Variants in CSMD1 observed in about 807,000 individuals in gnomAD.
CSMD1 encodes the protein CUB and sushi domain-containing protein 1.
In CSMD1, 213 loss-of-function variants were observed where a neutral mutation model predicts 417.5. The ratio of observed to expected loss-of-function variants is 0.51; its 90% CI spans 0.46 to 0.57. The LOEUF (loss-of-function observed/expected upper bound fraction) is 0.57. CSMD1 is among the 20% of genes least tolerant of loss of function. CSMD1 has a pLI of 0.00. For missense variants in CSMD1, 6,923 were observed against 4,529.7 expected (o/e 1.53, Z -15.17); for synonymous variants, 2,862 against 1,736.8 (o/e 1.65, Z -16.11).
At chr8:4,412,179 T>C (rs1796686525) in intron 3 of CSMD1, among the ~76,000 whole-genome samples, 1 of 152,176 alleles carries the variant, frequency 6.6e-6, no homozygotes, top group African/African-American at 2.4e-5. Context: ...CGGATATCTG[T>C]CAACGTGCAA....
intron 10 of CSMD1, among the ~76,000 whole-genome samples, chr8:3,526,359 G>A (rs1797754130): frequency 6.6e-6 from 1 of 152,026 alleles, no homozygotes; most frequent in African/African-American, 2.4e-5. Context: ...TCCCTTTGGT[G>A]TGAGTTGAGA....
At chr8:4,202,234 G>A (rs866745306) in intron 3 of CSMD1, among the ~76,000 whole-genome samples, 4 of 152,092 alleles carry the variant, frequency 2.6e-5, no homozygotes, top group Middle Eastern at 3.4e-3. Context: ...GATGAATTAT[G>A]CCTTATCTTC....
intron 3 of CSMD1, among the ~76,000 whole-genome samples, chr8:4,398,877 A>G (rs1052349318): frequency 2.0e-5 from 3 of 152,202 alleles, no homozygotes; most frequent in East Asian, 1.9e-4. Flanking sequence ...AAAATAACTG[A>G]CATTCTCAAT....
At chr8:3,566,801 G>A (rs879960050) in intron 10 of CSMD1, among the ~76,000 whole-genome samples, 1 of 152,198 alleles carries the variant, frequency 6.6e-6, no homozygotes, top group South Asian at 2.1e-4. Flanking sequence ...AGGTTGTGGA[G>A]AAAAAGGAAC....
intron 21 of CSMD1, among the ~76,000 whole-genome samples, chr8:3,356,553 T>C (rs1585046186): frequency 1.3e-5 from 2 of 152,160 alleles, no homozygotes; most frequent in East Asian, 1.9e-4. Flanking sequence ...CATGTGCCTG[T>C]AGTCCCAGCA....
intron 1 of CSMD1, among the ~76,000 whole-genome samples, chr8:4,981,336 A>T (rs778017602): frequency 1.3e-5 from 2 of 152,214 alleles, no homozygotes; most frequent in Non-Finnish European, 2.9e-5. Flanking sequence ...AGGATGTATT[A>T]ACTCTCTAGA....
intron 2 of CSMD1, among the ~76,000 whole-genome samples, chr8:4,547,246 G>A (rs964815487): frequency 2.0e-5 from 3 of 152,100 alleles, no homozygotes; most frequent in Admixed American, 6.6e-5. Flanking sequence ...TCCTTCCTGC[G>A]GCTGCTGAGT....
chr8:4,676,309 G>C (rs866224700), intron 1 of CSMD1, among the ~76,000 whole-genome samples: 6 of 151,984 alleles, frequency 3.9e-5, no homozygotes, highest in South Asian at 2.1e-4. Flanking sequence ...CTCATTCCCT[G>C]CCAAACACTG....
intron 1 of CSMD1, among the ~76,000 whole-genome samples, chr8:4,765,597 T>A (rs979110371): frequency 2.0e-5 from 3 of 152,218 alleles, no homozygotes; most frequent in African/African-American, 7.2e-5. Flanking sequence ...ATCAACCTCC[T>A]GAGCAGCTGA....
Position 4,083,447 on chromosome 8 carries a change from A to C in CSMD1, c.416-51348T>G, listed in dbSNP as rs1800248302. Among the ~76,000 whole-genome samples the C allele has an allele frequency of 2.0e-5, 3 of 152,314 alleles. No individual in the cohort carries two copies. In the South Asian group the frequency reaches 6.2e-4, roughly 32 times the overall value. On this transcript the variant is annotated intron_variant, in intron 3 of 69. Coordinates refer to ENST00000635120, the MANE Select transcript of CSMD1 (RefSeq NM_033225.6). ...GCCACCTGACTTCAAACTATACTAC[A>C]AGGCTACAGTAACCAAAACAGCATG...
At chr8:3,951,120 G>A (rs1027661057) in intron 5 of CSMD1, among the ~76,000 whole-genome samples, 1 of 152,146 alleles carries the variant, frequency 6.6e-6, no homozygotes, top group Admixed American at 6.5e-5. Context: ...TACATTTATA[G>A]GCAGGAGATG....
chr8:3,222,003 C>T (rs953997929), intron 28 of CSMD1, among the ~76,000 whole-genome samples: 2 of 152,156 alleles, frequency 1.3e-5, no homozygotes, highest in African/African-American at 4.8e-5. Context: ...ACATCCTCAT[C>T]CCCTAACAGG....
chr8:4,509,914 C>T (rs768483097), intron 2 of CSMD1, among the ~76,000 whole-genome samples: 1 of 152,096 alleles, frequency 6.6e-6, no homozygotes, highest in Non-Finnish European at 1.5e-5. Flanking sequence ...TGTGGTTTAC[C>T]TGATAGAGGT....
intron 3 of CSMD1, among the ~76,000 whole-genome samples, chr8:4,372,482 A>G (rs1003759911): frequency 6.9e-6 from 1 of 145,908 alleles, no homozygotes; most frequent in Non-Finnish European, 1.5e-5. Flanking sequence ...GTGTCACTTA[A>G]AACAACAACA....
intron 5 of CSMD1, among the ~76,000 whole-genome samples, chr8:3,840,157 C>T (rs1356532771): frequency 6.6e-6 from 1 of 152,012 alleles, no homozygotes; most frequent in African/African-American, 2.4e-5. Flanking sequence ...TTAATGTTTT[C>T]TCAACATGCC....
At chr8:3,018,401 A>G (rs929261692) in intron 52 of CSMD1, 76 bp downstream of exon 52, 43 of 1,367,274 alleles carry the variant, frequency 3.1e-5, no homozygotes, top group Admixed American at 3.9e-5. Context: ...GCAAGAAGTC[A>G]TATGTGTTAC....
intron 47 of CSMD1, among the ~76,000 whole-genome samples, chr8:3,092,399 G>A (rs6982141): frequency 0.17 from 25,419 of 151,956 alleles, 3,477 homozygotes; most frequent in African/African-American, 0.39. Flanking sequence ...GTGTATCTGT[G>A]GACGATAGAT....
At chr8:4,802,153 G>A (rs951625455) in intron 1 of CSMD1, among the ~76,000 whole-genome samples, 7 of 152,180 alleles carry the variant, frequency 4.6e-5, no homozygotes, top group Non-Finnish European at 8.8e-5. Flanking sequence ...AAGAGCAATT[G>A]CACAAAGGAA....
intron 26 of CSMD1, among the ~76,000 whole-genome samples, chr8:3,267,285 G>C (rs1008981123): frequency 5.3e-5 from 8 of 152,184 alleles, no homozygotes; most frequent in African/African-American, 1.9e-4. Context: ...TGATAGCTTT[G>C]CGTCTCACAA....
Sources: gnomAD v4.1 joint callset for allele counts (sites outside exome capture counted in the v4.1 genomes callset) on GRCh38, gnomAD v4.1.1 for gene constraint, MANE v1.5 for transcripts, NCBI Gene and HGNC (gene_info 2026-07-23, HGNC 2026-07-21) for gene names.